Variants in INTS4 observed in about 807,000 individuals in gnomAD.
The protein encoded by INTS4 is integrator complex subunit 4.
INTS4 carries 70 observed loss-of-function variants against 119.5 expected under a neutral mutation model. The ratio of observed to expected loss-of-function variants is 0.59; its 90% CI spans 0.48 to 0.71. The LOEUF is 0.71. Ranked by LOEUF, INTS4 falls within the 30% of genes least tolerant of loss-of-function variation. INTS4 has a pLI of 0.00. For missense variants in INTS4, 867 were observed against 1,173.2 expected (o/e 0.74, Z 3.81); for synonymous variants, 316 against 419.6 (o/e 0.75, Z 3.02).
intron 12 of INTS4, among the ~76,000 whole-genome samples, chr11:77,923,080 G>A (rs760435121): frequency 5.5e-4 from 84 of 152,162 alleles, no homozygotes; most frequent in Non-Finnish European, 9.4e-4. Flanking sequence ...AACACTTTGC[G>A]AGGCCGAAGT....
chr11:77,914,222 C>G (rs1032480437), intron 15 of INTS4, among the ~76,000 whole-genome samples: 36 of 152,312 alleles, frequency 2.4e-4, no homozygotes, highest in Non-Finnish European at 4.4e-4. Context: ...GGACAGTGAT[C>G]TGGCCGGCCA....
chr11:77,891,421 C>T lies in INTS4; in HGVS notation c.2490G>A (p.Glu830=). ...AGGTAAACCGCAAAGGGTTGTCTGA[C>T]TCGCCCGCTGGCTCGATGATGGTGG... is the stretch of plus-strand genomic sequence containing the variant. The part of the protein sequence containing the change: ...ASATIIEPAG[E]SDNPLRFTSG... The change falls in exon 21 of 23, where the codon GAG becomes GAA. Residue 830 remains glutamate, a synonymous_variant. Coordinates refer to ENST00000534064, the MANE Select transcript of INTS4 (RefSeq NM_033547.4). 1 of 1,613,694 alleles carries T rather than the reference C, an allele frequency of 6.2e-7. No individual in the cohort carries two copies. Among genetic ancestry groups the T allele is most frequent in the Non-Finnish European group, 8.5e-7 (1 of 1,179,788 alleles).
chr11:77,961,234 A>T lies in INTS4; in HGVS notation c.472-96T>A, dbSNP rs1408200471. On this transcript the variant is annotated intron_variant, in intron 4 of 22. Transcript: ENST00000534064. Reference sequence around the variant, plus strand: ...CACAGACAAGACCAGAAACAAAAGCATTGCAGCAACCTTAGGGGTGATTTC... The same window carrying T: ...CACAGACAAGACCAGAAACAAAAGCTTTGCAGCAACCTTAGGGGTGATTTC... 13 of 1,398,904 alleles carry T rather than the reference A, an allele frequency of 9.3e-6. No homozygotes were observed. In the Admixed American group the frequency reaches 1.8e-4, roughly 19 times the overall value. The allele number at this position is 1,398,904 out of a possible 1,614,324, so 86.7% of individuals were successfully genotyped here. A position where few individuals can be genotyped will look rare whatever the true frequency, so the allele number is the denominator to read the frequency against.
intron 1 of INTS4, 137 bp downstream of exon 1, chr11:77,994,453 T>C (rs892371798): frequency 1.4e-6 from 1 of 696,400 alleles, no homozygotes; most frequent in African/African-American, 1.8e-5. Context: ...GCCCACTAAC[T>C]TGCAATATCA....
rs1431945346 is a variant in INTS4, at chr11:77,901,402, G to C, written c.2228+19C>G. 6.2e-7 allele frequency: 1 copy of C among 1,613,456 alleles called. No homozygotes were observed. The highest frequency in any genetic ancestry group is 8.5e-7 in the Non-Finnish European group (1 of 1,179,560). On this transcript the variant is annotated intron_variant, in intron 18 of 22. Coordinates refer to ENST00000534064, the MANE Select transcript of INTS4 (RefSeq NM_033547.4). ...TTGAAAGGAACATGCCACATATTTT[G>C]GCCAACCCCACATCTTACCCTCGTG...
intron 16 of INTS4, among the ~76,000 whole-genome samples, chr11:77,905,810 T>A (rs1478052356): frequency 6.6e-6 from 1 of 152,218 alleles, no homozygotes; most frequent in Non-Finnish European, 1.5e-5. Flanking sequence ...ACCAAAGTGA[T>A]ATGCATTTAT....
At chr11:77,912,032 A>G (rs1478623893) in intron 15 of INTS4, among the ~76,000 whole-genome samples, 1 of 152,066 alleles carries the variant, frequency 6.6e-6, no homozygotes, top group Non-Finnish European at 1.5e-5. Flanking sequence ...TTTATTTATT[A>G]ATTACATCAA....
chr11:77,976,791 C>T (rs1364610084), intron 4 of INTS4, among the ~76,000 whole-genome samples: 1 of 152,162 alleles, frequency 6.6e-6, no homozygotes, highest in African/African-American at 2.4e-5. Flanking sequence ...ATGGATGAAG[C>T]TGGAAACCAT....
chr11:77,888,740 C>A (rs1044112992), intron 21 of INTS4, among the ~76,000 whole-genome samples: 1 of 152,118 alleles, frequency 6.6e-6, no homozygotes, highest in African/African-American at 2.4e-5. Flanking sequence ...AAAAAACAAA[C>A]AACCCCATCA....
intron 21 of INTS4, among the ~76,000 whole-genome samples, chr11:77,886,939 A>G (rs1952040837): frequency 6.6e-6 from 1 of 152,096 alleles, no homozygotes; most frequent in Admixed American, 6.6e-5. Flanking sequence ...TCTGGGACAC[A>G]TTCAAAGCAG....
chr11:77,916,940 A>C (rs563888302), intron 15 of INTS4, among the ~76,000 whole-genome samples: 1 of 152,344 alleles, frequency 6.6e-6, no homozygotes, highest in African/African-American at 2.4e-5. Context: ...TATTAGAATA[A>C]ACAAATAGTT....
In INTS4 at chr11:77,911,221, C is replaced by T. The variant is rs1953082649; in HGVS notation, c.1923-3411G>A. On this transcript the variant is annotated intron_variant, in intron 15 of 22. Transcript: ENST00000534064. ...AATTAATGTATGATATATATCACTT[C>T]TTATTCGTTTGGGTTGCTTGAACTG... 1.1e-5 allele frequency: 12 copies of T among 1,050,616 alleles called. No homozygotes were observed. In the South Asian group the frequency reaches 2.6e-4, roughly 23 times the overall value. The allele number at this position is 1,050,616 out of a possible 1,614,324, so 65.1% of individuals were successfully genotyped here. A position where few individuals can be genotyped will look rare whatever the true frequency, so the allele number is the denominator to read the frequency against.
At chr11:77,940,016 T>C (rs1231743223) in intron 9 of INTS4, among the ~76,000 whole-genome samples, 1 of 152,122 alleles carries the variant, frequency 6.6e-6, no homozygotes, top group Non-Finnish European at 1.5e-5. Flanking sequence ...AATACCACTT[T>C]TATAATTTCA....
intron 2 of INTS4, among the ~76,000 whole-genome samples, chr11:77,989,630 C>G (rs186077883): frequency 5.9e-5 from 9 of 151,742 alleles, no homozygotes; most frequent in African/African-American, 1.9e-4. Flanking sequence ...TGGTTCACAC[C>G]TGTAATCTCA....
chr11:77,978,789 C>T (rs545134327), intron 4 of INTS4: 15 of 324,464 alleles, frequency 4.6e-5, no homozygotes, highest in African/African-American at 3.2e-4. Flanking sequence ...TTATTAGGCA[C>T]AATATACACA....
intron 10 of INTS4, among the ~76,000 whole-genome samples, chr11:77,933,709 T>A (rs1418920915): frequency 6.6e-6 from 1 of 151,820 alleles, no homozygotes; most frequent in Admixed American, 6.6e-5. Context: ...GAGGAGCCCC[T>A]CTGCCCTGCC....
chr11:77,915,624 C>T (rs1953188073), intron 15 of INTS4, among the ~76,000 whole-genome samples: 1 of 152,134 alleles, frequency 6.6e-6, no homozygotes, highest in African/African-American at 2.4e-5. Context: ...CTCTCAGTTC[C>T]TCACTCCCAC....
intron 15 of INTS4, among the ~76,000 whole-genome samples, chr11:77,912,225 G>C (rs1371623180): frequency 6.6e-6 from 1 of 152,092 alleles, no homozygotes; most frequent in African/African-American, 2.4e-5. Flanking sequence ...AGCCAGGTGT[G>C]GTGGAGTGCG....
intron 2 of INTS4, among the ~76,000 whole-genome samples, chr11:77,982,696 C>A (rs542214787): frequency 6.6e-6 from 1 of 152,098 alleles, no homozygotes; most frequent in Non-Finnish European, 1.5e-5. Flanking sequence ...CAATACCTGA[C>A]ACTGAAAAGA....
Sources: gnomAD v4.1 joint callset for allele counts (sites outside exome capture counted in the v4.1 genomes callset) on GRCh38, gnomAD v4.1.1 for gene constraint, MANE v1.5 for transcripts, NCBI Gene and HGNC (gene_info 2026-07-23, HGNC 2026-07-21) for gene names.